The following BMAL2 variants were observed in gnomAD, a reference collection of about 807,000 sequenced individuals.
BMAL2 encodes the protein basic helix-loop-helix ARNT like 2.
chr12:27,420,720 C>A, the BMAL2 span: 5 of 614,474 alleles, frequency 8.1e-6, no homozygotes, highest in South Asian at 4.4e-5. Context: ...CCAAGAGAAC[C>A]AAGTTTATTA....
chr12:27,340,033 G>C, the BMAL2 span, among the ~76,000 whole-genome samples: 98,587 of 152,020 alleles, frequency 0.65, 32,492 homozygotes, highest in Non-Finnish European at 0.7. Flanking sequence ...AAAGTTTTCT[G>C]CCATTCTGTT....
At chr12:27,361,298 C>A in the BMAL2 span, among the ~76,000 whole-genome samples, 19,231 of 152,044 alleles carry the variant, frequency 0.13, 1,397 homozygotes, top group Non-Finnish European at 0.17. Context: ...AAATAGTAGA[C>A]CTTTGAAATA....
the BMAL2 span, among the ~76,000 whole-genome samples, chr12:27,354,400 G>A: frequency 2.0e-5 from 3 of 152,114 alleles, no homozygotes; most frequent in African/African-American, 7.2e-5. Context: ...AGGAACAATA[G>A]ACATCGGGGC....
At chr12:27,334,361 T>G in the BMAL2 span, among the ~76,000 whole-genome samples, 1 of 152,332 alleles carries the variant, frequency 6.6e-6, no homozygotes, top group Non-Finnish European at 1.5e-5. Flanking sequence ...CTTATAGGAT[T>G]GTTAGGAGTA....
chr12:27,345,613 G>A, the BMAL2 span, among the ~76,000 whole-genome samples: 4 of 152,080 alleles, frequency 2.6e-5, no homozygotes, highest in Non-Finnish European at 5.9e-5. Flanking sequence ...ATCATCCTCT[G>A]CCTCTGGAGT....
At chr12:27,414,647 A>G in the BMAL2 span, among the ~76,000 whole-genome samples, 1 of 152,220 alleles carries the variant, frequency 6.6e-6, no homozygotes, top group African/African-American at 2.4e-5. Flanking sequence ...GGAATGCAGT[A>G]AAAAGCAGTT....
At chr12:27,389,705 G>A in the BMAL2 span, 1 of 180,248 alleles carries the variant, frequency 5.5e-6, no homozygotes. Context: ...TTGTGTTTGG[G>A]AAGTATAAGT....
the BMAL2 span, among the ~76,000 whole-genome samples, chr12:27,353,539 C>G: frequency 6.6e-6 from 1 of 152,142 alleles, no homozygotes; most frequent in Non-Finnish European, 1.5e-5. Context: ...AATGTAGTCT[C>G]CAAAAGCAAT....
At chr12:27,371,086 A>C in the BMAL2 span, among the ~76,000 whole-genome samples, 4 of 152,250 alleles carry the variant, frequency 2.6e-5, no homozygotes, top group South Asian at 2.1e-4. Context: ...CTGCTATAAT[A>C]GAGACCCTGG....
At chr12:27,406,981 CA>C in the BMAL2 span, among the ~76,000 whole-genome samples, 1 of 151,968 alleles carries the variant, frequency 6.6e-6, no homozygotes, top group Non-Finnish European at 1.5e-5. Flanking sequence ...CAATAAAGAT[CA>C]AAAGAGACAA....
At chr12:27,367,425 A>C in the BMAL2 span, among the ~76,000 whole-genome samples, 1 of 152,318 alleles carries the variant, frequency 6.6e-6, no homozygotes, top group Non-Finnish European at 1.5e-5. Context: ...AACTGAAACC[A>C]CAGAAGGCAA....
chr12:27,390,029 G>A, the BMAL2 span: 1 of 1,563,242 alleles, frequency 6.4e-7, no homozygotes, highest in Non-Finnish European at 8.8e-7. Flanking sequence ...AATGTTAGGA[G>A]ATAAATTTCA....
At chr12:27,416,663 A>T in the BMAL2 span, among the ~76,000 whole-genome samples, 1 of 152,220 alleles carries the variant, frequency 6.6e-6, no homozygotes, top group Non-Finnish European at 1.5e-5. Flanking sequence ...AAACTTGAAA[A>T]TACAAATATC....
chr12:27,369,332 A>T, the BMAL2 span, among the ~76,000 whole-genome samples: 1 of 152,086 alleles, frequency 6.6e-6, no homozygotes, highest in East Asian at 1.9e-4. Flanking sequence ...TTATTTACAA[A>T]GTGGGCACAT....
chr12:27,403,584 C>T, the BMAL2 span: 2 of 1,241,138 alleles, frequency 1.6e-6, no homozygotes, highest in Non-Finnish European at 2.3e-6. Context: ...GTAAAAATAT[C>T]ATATTTATAA....
At chr12:27,380,979 G>GA in the BMAL2 span, among the ~76,000 whole-genome samples, 57,650 of 146,078 alleles carry the variant, frequency 0.39, 11,828 homozygotes, top group East Asian at 0.66. Flanking sequence ...GCCTGTCTCA[G>GA]AAAAAAAAAA....
At chr12:27,340,644 A>C in the BMAL2 span, among the ~76,000 whole-genome samples, 1 of 152,160 alleles carries the variant, frequency 6.6e-6, no homozygotes, top group East Asian at 1.9e-4. Flanking sequence ...TCCGTGAAGA[A>C]TGTCATTGGT....
At chr12:27,396,552 A>G in the BMAL2 span, among the ~76,000 whole-genome samples, 1 of 152,300 alleles carries the variant, frequency 6.6e-6, no homozygotes, top group African/African-American at 2.4e-5. Flanking sequence ...GGTTTTCGTG[A>G]AAGAGATTCT....
the BMAL2 span, chr12:27,403,633 A>G: frequency 5.9e-6 from 4 of 682,282 alleles, no homozygotes; most frequent in Middle Eastern, 3.8e-4. Context: ...CTATATACAA[A>G]TGATAACCAG....
Sources: gnomAD v4.1 joint callset for allele counts (sites outside exome capture counted in the v4.1 genomes callset) on GRCh38, gnomAD v4.1.1 for gene constraint, MANE v1.5 for transcripts, NCBI Gene and HGNC (gene_info 2026-07-23, HGNC 2026-07-21) for gene names.